MTREX: variants seen among roughly 807,000 people sequenced by gnomAD.
The protein encoded by MTREX is exosome RNA helicase MTR4.
A neutral mutation model predicts 135.4 loss-of-function variants in MTREX; 76 were observed. The ratio of observed to expected loss-of-function variants is 0.56; its 90% confidence interval spans 0.47 to 0.68. MTREX has a LOEUF of 0.68. MTREX is among the 30% of genes least tolerant of loss of function. The probability of loss-of-function intolerance (pLI) is 0.00; values close to 1 mark genes in which losing one functional copy is unlikely to be tolerated. For synonymous variants in MTREX, 404 were observed against 401.6 expected (o/e 1.01, Z -0.07); for missense variants, 920 against 1,262.1 (o/e 0.73, Z 4.11).
chr5:55,330,585 CTT>C (rs1182691387), intron 5 of MTREX, among the ~76,000 whole-genome samples: 2 of 149,750 alleles, frequency 1.3e-5, no homozygotes, highest in Non-Finnish European at 2.9e-5. Context: ...TTCCTGGTCT[CTT>C]TGATGGATTG....
intron 17 of MTREX, 92 bp from the exon 18 acceptor site, chr5:55,379,035 G>T: frequency 1.2e-6 from 1 of 805,926 alleles, no homozygotes. Flanking sequence ...AATTCAGAAA[G>T]CTTTATTAGT....
chr5:55,399,317 C>G (rs555444090), intron 20 of MTREX, among the ~76,000 whole-genome samples: 1 of 152,222 alleles, frequency 6.6e-6, no homozygotes, highest in South Asian at 2.1e-4. Flanking sequence ...ATTCCCAGTT[C>G]CTAACTAGCC....
intron 15 of MTREX, among the ~76,000 whole-genome samples, chr5:55,364,595 G>T (rs189381688): frequency 5.8e-4 from 89 of 152,298 alleles, no homozygotes; most frequent in African/African-American, 2.0e-3. Context: ...GCAGCGGCAA[G>T]TCAAACTGGA....
Position 55,422,985 on chromosome 5 carries a change from C to G in MTREX, c.3076+3C>G. On this transcript the variant is annotated splice_donor_region_variant and intron_variant, in intron 26 of 26. Transcript: ENST00000230640. ...GCTGGAAAATAAATTTGCAGAAGGT[C>G]AGTATCAAATGGATAAGCTGTTTCT... 6.2e-7 allele frequency: 1 copy of G among 1,609,494 alleles called. No individual in the cohort carries two copies.
At chr5:55,364,103 G>A (rs1750057433) in intron 15 of MTREX, among the ~76,000 whole-genome samples, 1 of 152,182 alleles carries the variant, frequency 6.6e-6, no homozygotes, top group Admixed American at 6.6e-5. Flanking sequence ...TGGAATCAGA[G>A]TGGGGGTTAC....
intron 14 of MTREX, among the ~76,000 whole-genome samples, chr5:55,354,612 C>T (rs780327040): frequency 2.6e-5 from 4 of 152,148 alleles, no homozygotes; most frequent in African/African-American, 7.2e-5. Context: ...AAGAGGAATA[C>T]GAGTATGGTG....
chr5:55,404,609 A>G (rs1051323126), intron 21 of MTREX, among the ~76,000 whole-genome samples: 1 of 152,072 alleles, frequency 6.6e-6, no homozygotes, highest in Non-Finnish European at 1.5e-5. Context: ...AGCTGCTGGG[A>G]TTGGTACTTT....
chr5:55,415,060 C>T (rs775488091), intron 24 of MTREX, among the ~76,000 whole-genome samples: 4 of 151,874 alleles, frequency 2.6e-5, no homozygotes, highest in African/African-American at 4.8e-5. Flanking sequence ...TAGGATAAGC[C>T]GATTTTTTCT....
chr5:55,309,472 AGT>A (rs1446726229), intron 1 of MTREX, among the ~76,000 whole-genome samples: 7 of 152,314 alleles, frequency 4.6e-5, no homozygotes, highest in African/African-American at 1.7e-4. Flanking sequence ...CAACTCAGGC[AGT>A]GGCAGAGGAA....
chr5:55,345,857 G>A (rs1730313721), intron 10 of MTREX, among the ~76,000 whole-genome samples: 1 of 151,782 alleles, frequency 6.6e-6, no homozygotes, highest in African/African-American at 2.4e-5. Context: ...TAGTAGAGAC[G>A]GGGTTTCACT....
intron 13 of MTREX, 49 bp downstream of exon 13, chr5:55,351,078 G>C (rs1749819595): frequency 4.0e-6 from 6 of 1,511,592 alleles, no homozygotes; most frequent in Admixed American, 2.5e-5. Context: ...GTTGTATGAA[G>C]AGTTTGAAAA....
intron 18 of MTREX, among the ~76,000 whole-genome samples, chr5:55,381,071 G>C (rs189826435): frequency 1.4e-4 from 21 of 152,142 alleles, no homozygotes; most frequent in Non-Finnish European, 2.4e-4. Flanking sequence ...ACAGTTATTC[G>C]TAGTATTATT....
In MTREX at chr5:55,398,045, G is replaced by GAC. The variant is rs546331577; in HGVS notation, c.2292+520_2292+521dup. Among the ~76,000 whole-genome samples, 214 of 152,160 alleles carry GAC rather than the reference G, an allele frequency of 1.4e-3. 1 individual carries two copies. The highest frequency in any genetic ancestry group is 4.9e-3 in the African/African-American group (204 of 41,490). On this transcript the variant is annotated intron_variant, in intron 20 of 26. Coordinates refer to ENST00000230640, the MANE Select transcript of MTREX (RefSeq NM_015360.5). ...GAAACCAGCCTGGGCAACATAGTGA[G>GAC]ACCCCCATCTCTACAAAAAATGTAA...
At position 55,424,703 on chromosome 5, in the gene MTREX, A is replaced by ACTTT. The variant is rs1561216391; in HGVS notation, c.3077-12_3077-9dup. On this transcript the variant is annotated splice_polypyrimidine_tract_variant and intron_variant, in intron 26 of 26. Transcript: ENST00000230640. ...TTGTGGTCTTGAAAGTTTAAACCTTACTTTCTTTTCTCTTAGGAATCACCA... is the reference window on the plus strand; with the variant it reads ...TTGTGGTCTTGAAAGTTTAAACCTTACTTTCTTTCTTTTCTCTTAGGAATCACCA... 1.3e-6 allele frequency: 2 copies of ACTTT among 1,599,598 alleles called. No individual in the cohort carries two copies. The highest frequency in any genetic ancestry group is 1.3e-5 in the African/African-American group (1 of 74,764).
At chr5:55,421,650 T>G (rs1751057450) in intron 25 of MTREX, among the ~76,000 whole-genome samples, 1 of 152,214 alleles carries the variant, frequency 6.6e-6, no homozygotes, top group Non-Finnish European at 1.5e-5. Context: ...TAATATCACA[T>G]TGTGTTTCTT....
intron 17 of MTREX, 70 bp downstream of exon 17, chr5:55,378,556 AATTT>A: frequency 6.9e-7 from 1 of 1,448,518 alleles, no homozygotes; most frequent in African/African-American, 1.5e-5. Context: ...TAAAGATTCT[AATTT>A]ATTTTTTATT....
At position 55,349,637 on chromosome 5, in the gene MTREX, TAAAA is replaced by T; in HGVS notation, c.1308_1311del (p.Lys436AsnfsTer5). The T allele has an allele frequency of 6.3e-7, 1 of 1,591,550 alleles. No homozygotes were observed. Among genetic ancestry groups the T allele is most frequent in the Non-Finnish European group, 8.6e-7 (1 of 1,160,082 alleles). Reference sequence around the variant, plus strand: ...CAATTGATTGCTTATCCGATGAAGATAAAAAACTCCCTCAGGTGAGTTTTCAGTA... The same window carrying T: ...CAATTGATTGCTTATCCGATGAAGATAACTCCCTCAGGTGAGTTTTCAGTA... On this transcript the variant is annotated frameshift_variant, in exon 12 of 27. Coordinates refer to ENST00000230640, the MANE Select transcript of MTREX (RefSeq NM_015360.5). LOFTEE classifies it high-confidence loss of function.
Position 55,308,047 on chromosome 5 carries a change from G to A in MTREX, c.34G>A (p.Val12Met), listed in dbSNP as rs777102043. The A allele has an allele frequency of 1.2e-6, 2 of 1,614,100 alleles. No individual in the cohort carries two copies. The highest frequency in any genetic ancestry group is 1.7e-5 in the Admixed American group (1 of 59,996). ...CGCATTCGGAGATGAGCTGTTCAGC[G>A]TGTTCGAGGGCGACTCGACCACTGC... is the stretch of plus-strand genomic sequence containing the variant. Reference protein sequence around the residue: ...ADAFGDELFSVFEGDSTTAAG... With the variant: ...ADAFGDELFSMFEGDSTTAAG... Residue 12 changes from valine (V) to methionine (M), a missense_variant, in exon 1 of 27, where the codon GTG becomes ATG. By Grantham distance (21) the Val-to-Met change is conservative. This residue lies in a region of MTREX where 136 missense variants were observed against 126.7 expected (regional missense o/e 1.07). Coordinates refer to ENST00000230640, the MANE Select transcript of MTREX (RefSeq NM_015360.5).
intron 19 of MTREX, among the ~76,000 whole-genome samples, chr5:55,395,261 T>C (rs1750629047): frequency 6.6e-6 from 1 of 150,542 alleles, no homozygotes; most frequent in Non-Finnish European, 1.5e-5. Flanking sequence ...TAAAAATTAG[T>C]TGGGCATGGT....
Sources: allele counts gnomAD v4.1 joint callset (sites outside exome capture counted in the v4.1 genomes callset), GRCh38; gene constraint gnomAD v4.1.1; regional missense constraint gnomAD v4.1.1; transcripts MANE v1.5; gene names NCBI Gene and HGNC (gene_info 2026-07-23, HGNC 2026-07-21).